The following CHN2 variants were observed in gnomAD, a reference collection of about 807,000 sequenced individuals.
CHN2 encodes chimerin 2.
Under a neutral mutation model 56.3 loss-of-function variants are expected in CHN2, and 35 were observed. The observed-to-expected ratio is 0.62, with a 90% CI of 0.47 to 0.82. CHN2 has a LOEUF of 0.82. Ranked by LOEUF, CHN2 falls within the 40% of genes least tolerant of loss-of-function variation. The probability of loss-of-function intolerance (pLI) is 0.00; values close to 1 mark genes in which losing one functional copy is unlikely to be tolerated. For synonymous variants in CHN2, 210 were observed against 212.8 expected (o/e 0.99, Z 0.12); for missense variants, 491 against 580.5 (o/e 0.85, Z 1.58).
chr7:29,173,130 C>CAA (rs56379349), intron 2 of CHN2, among the ~76,000 whole-genome samples: 861 of 80,142 alleles, frequency 0.011, 6 homozygotes, highest in African/African-American at 0.031. Context: ...GACTCTGTAT[C>CAA]AAAAAAAAAA....
chr7:29,460,146 A>G (rs1442784436), intron 6 of CHN2, among the ~76,000 whole-genome samples: 3 of 152,220 alleles, frequency 2.0e-5, no homozygotes, highest in Admixed American at 2.0e-4. Flanking sequence ...GGTACCAAGT[A>G]GACTTCTGGA....
intron 7 of CHN2, among the ~76,000 whole-genome samples, chr7:29,490,905 GGATAT>G (rs1788593761): frequency 6.6e-6 from 1 of 152,098 alleles, no homozygotes. Flanking sequence ...TTGAATGGCT[GGATAT>G]GAGATCCCTT....
chr7:29,332,327 G>T (rs770322013), intron 1 of CHN2, among the ~76,000 whole-genome samples: 1 of 152,092 alleles, frequency 6.6e-6, no homozygotes, highest in East Asian at 1.9e-4. Flanking sequence ...AAAGATAATT[G>T]TAAAATACTT....
intron 1 of CHN2, among the ~76,000 whole-genome samples, chr7:29,306,939 G>C (rs910980296): frequency 1.3e-5 from 2 of 152,178 alleles, no homozygotes; most frequent in African/African-American, 4.8e-5. Flanking sequence ...AGCTCTCAGC[G>C]TTAAAGATGT....
At position 29,363,964 on chromosome 7, in the gene CHN2, G is replaced by C. The variant is rs545890993; in HGVS notation, c.89-3968G>C. 2.0e-4 allele frequency among the ~76,000 whole-genome samples: 31 copies of C among 152,130 alleles called. No homozygotes were observed. In the South Asian group the frequency reaches 5.8e-3, roughly 29 times the overall value. On this transcript the variant is annotated intron_variant, in intron 2 of 12. Transcript: ENST00000222792. ...GGACAAGAGGATTGTTTGAACCCAG[G>C]AGTTTGATTCCAGCCTGGGCAACAT...
intron 2 of CHN2, among the ~76,000 whole-genome samples, chr7:29,365,414 A>G (rs1032564994): frequency 2.0e-5 from 3 of 152,242 alleles, no homozygotes; most frequent in Non-Finnish European, 4.4e-5. Flanking sequence ...CACATCAATA[A>G]ATACAGAACT....
In CHN2 at chr7:29,194,876, G is replaced by T; in HGVS notation, c.-66G>T. On this transcript the variant is annotated 5_prime_UTR_variant, in exon 1 of 13. Transcript: ENST00000222792. ...GGCCGCGGAGGCTGCGAGCGGCCGG[G>T]CGAGGGCAGCGGCGGCGGCGTCCGC... The T allele has an allele frequency of 1.5e-6, 2 of 1,354,538 alleles. No homozygotes were observed. The highest frequency in any genetic ancestry group is 1.5e-5 in the African/African-American group (1 of 65,098). The allele number at this position is 1,354,538 out of a possible 1,614,324, so 83.9% of individuals were successfully genotyped here.
intron 1 of CHN2, among the ~76,000 whole-genome samples, chr7:29,315,809 G>T (rs187763619): frequency 1.4e-3 from 216 of 152,262 alleles, no homozygotes; most frequent in Non-Finnish European, 2.6e-3. Flanking sequence ...GAATACAGAT[G>T]ATTTTTTTAA....
At position 29,440,684 on chromosome 7, in the gene CHN2, C is replaced by CAA. The variant is rs556692737; in HGVS notation, c.577-39568_577-39567dup. ...TGGGCAACACAATGAGACTCCGTCTCAAAAAAAAAAAAAAAAAAAAAAAAA... is the reference window on the plus strand; with the variant it reads ...TGGGCAACACAATGAGACTCCGTCTCAAAAAAAAAAAAAAAAAAAAAAAAAAA... On this transcript the variant is annotated intron_variant, in intron 6 of 12. Coordinates refer to ENST00000222792, the MANE Select transcript of CHN2 (RefSeq NM_004067.4). 3.9e-3 allele frequency among the ~76,000 whole-genome samples: 178 copies of CAA among 45,648 alleles called. 10 individuals are homozygous for CAA. The highest frequency in any genetic ancestry group is 0.019 in the East Asian group (17 of 878). The allele number at this position is 45,648 out of a possible 152,430, so 29.9% of individuals were successfully genotyped here.
rs1585547027 is a variant in CHN2 at position 29,480,261 on chromosome 7, C to G, written c.577-18C>G. On this transcript the variant is annotated intron_variant, in intron 6 of 12. Transcript: ENST00000222792. ...CGGCTTTCTTTGGCCCCCTCTCAAA[C>G]TCTTTGCCTGTTCACAGATCTCCTC... 1 of 1,614,206 alleles carries G rather than the reference C, an allele frequency of 6.2e-7. No individual in the cohort carries two copies. The highest frequency in any genetic ancestry group is 1.3e-5 in the African/African-American group (1 of 75,034).
At chr7:29,383,782 A>T (rs1209708056) in intron 3 of CHN2, among the ~76,000 whole-genome samples, 1 of 152,164 alleles carries the variant, frequency 6.6e-6, no homozygotes, top group Non-Finnish European at 1.5e-5. Context: ...ACCATGCAGC[A>T]GTGGGGAAAC....
intron 2 of CHN2, among the ~76,000 whole-genome samples, chr7:29,171,225 A>G (rs1301835766): frequency 6.6e-6 from 1 of 152,096 alleles, no homozygotes; most frequent in Non-Finnish European, 1.5e-5. Context: ...CGCAGACATC[A>G]CCTAATACGC....
At chr7:29,367,197 G>A (rs561325005) in intron 2 of CHN2, among the ~76,000 whole-genome samples, 48 of 152,054 alleles carry the variant, frequency 3.2e-4, no homozygotes, top group South Asian at 4.2e-4. Context: ...ATTATGTTCC[G>A]AAAAATCACA....
At chr7:29,375,009 T>C (rs1799941787) in intron 3 of CHN2, among the ~76,000 whole-genome samples, 1 of 150,740 alleles carries the variant, frequency 6.6e-6, no homozygotes, top group Non-Finnish European at 1.5e-5. Flanking sequence ...TGCCTCAGCC[T>C]CCCTAGTAGC....
chr7:29,374,197 A>G (rs1799844850), intron 3 of CHN2, among the ~76,000 whole-genome samples: 2 of 152,084 alleles, frequency 1.3e-5, no homozygotes, highest in Admixed American at 1.3e-4. Flanking sequence ...CTTTCCCATC[A>G]TTATTCCTCC....
At chr7:29,156,458 G>GA (rs1794385387) in intron 2 of CHN2, among the ~76,000 whole-genome samples, 1 of 151,844 alleles carries the variant, frequency 6.6e-6, no homozygotes, top group Non-Finnish European at 1.5e-5. Flanking sequence ...TAGCTCTGAG[G>GA]AAAAAAAAGT....
chr7:29,321,873 C>T lies in CHN2; in HGVS notation c.50-32752C>T, dbSNP rs541799510. 5.3e-5 allele frequency among the ~76,000 whole-genome samples: 8 copies of T among 152,220 alleles called. No homozygotes were observed. In the South Asian group the frequency reaches 1.2e-3, roughly 24 times the overall value. On this transcript the variant is annotated intron_variant, in intron 1 of 12. Transcript: ENST00000222792. ...CGTGAGCCACCGCGCCCAGCCAAAC[C>T]CACTTTTCTATACCTTCTGACAGAC...
At chr7:29,446,621 G>A (rs956039671) in intron 6 of CHN2, among the ~76,000 whole-genome samples, 2 of 152,118 alleles carry the variant, frequency 1.3e-5, no homozygotes, top group Non-Finnish European at 2.9e-5. Flanking sequence ...CACACGACCC[G>A]GTAAGGAAGA....
chr7:29,189,140 G>A (rs563987384), intron 2 of CHN2, among the ~76,000 whole-genome samples: 34 of 151,796 alleles, frequency 2.2e-4, no homozygotes, highest in African/African-American at 8.2e-4. Context: ...TAGTAGAGAC[G>A]GGGTTTCACC....
Sources: gnomAD v4.1 joint callset for allele counts (sites outside exome capture counted in the v4.1 genomes callset) on GRCh38, gnomAD v4.1.1 for gene constraint, MANE v1.5 for transcripts, NCBI Gene and HGNC (gene_info 2026-07-23, HGNC 2026-07-21) for gene names.